Variants in PDS5B observed in about 807,000 individuals in gnomAD.
PDS5B encodes the protein PDS5 cohesin associated factor B.
Under a neutral mutation model 184.1 loss-of-function variants are expected in PDS5B, and 51 were observed. That is an observed-to-expected ratio of 0.28 (90% confidence interval 0.22 to 0.35). The LOEUF (loss-of-function observed/expected upper bound fraction) is 0.35. Ranked by LOEUF, PDS5B falls within the 10% of genes least tolerant of loss-of-function variation. The pLI, the probability that PDS5B is intolerant of heterozygous loss-of-function variation, is 1.00. For synonymous variants in PDS5B, 566 were observed against 569.2 expected, an observed-to-expected ratio of 0.99 and a Z score of 0.08; for missense variants, 1,180 against 1,723.3, an observed-to-expected ratio of 0.68 and a Z score of 5.58.
intron 3 of PDS5B, among the ~76,000 whole-genome samples, chr13:32,654,934 G>A (rs758287987): frequency 6.6e-6 from 1 of 152,086 alleles, no homozygotes; most frequent in Non-Finnish European, 1.5e-5. Context: ...ACTGTTGAAT[G>A]GCATTTAGGT....
At chr13:32,592,404 C>T (rs765405233) in intron 1 of PDS5B, among the ~76,000 whole-genome samples, 22 of 151,940 alleles carry the variant, frequency 1.4e-4, no homozygotes, top group Admixed American at 8.5e-4. Flanking sequence ...TACAGGTGCA[C>T]GCCACCACGT....
intron 19 of PDS5B, among the ~76,000 whole-genome samples, chr13:32,715,318 C>T (rs1222217713): frequency 6.6e-6 from 1 of 152,122 alleles, no homozygotes; most frequent in East Asian, 1.9e-4. Context: ...AGTAAATGTA[C>T]CACCCCTTTT....
chr13:32,637,674 A>G (rs555432070), intron 1 of PDS5B, among the ~76,000 whole-genome samples: 1 of 152,362 alleles, frequency 6.6e-6, no homozygotes, highest in African/African-American at 2.4e-5. Context: ...AAGAGAAATC[A>G]AAGGAGACAG....
intron 8 of PDS5B, among the ~76,000 whole-genome samples, chr13:32,674,986 A>G (rs1951028807): frequency 6.7e-6 from 1 of 150,132 alleles, no homozygotes; most frequent in Admixed American, 6.7e-5. Context: ...ATTCTAATGT[A>G]CAGCCAGGCT....
At chr13:32,624,163 T>G (rs1265700256) in intron 1 of PDS5B, among the ~76,000 whole-genome samples, 3 of 152,230 alleles carry the variant, frequency 2.0e-5, no homozygotes, top group Non-Finnish European at 4.4e-5. Context: ...TCCATGTTGA[T>G]GTTGCCTAGC....
chr13:32,777,835 A>C lies in PDS5B; in HGVS notation c.*2783A>C, dbSNP rs1954998741. On this transcript the variant is annotated 3_prime_UTR_variant, in exon 35 of 35. Coordinates refer to ENST00000315596, the MANE Select transcript of PDS5B (RefSeq NM_015032.4). The stretch of plus-strand genomic sequence containing the variant: ...TATCTTCTTATAACTTGTAAGTCTG[A>C]TTTTTAAGATTTCCTTTTGTCCACT... The C allele has an allele frequency of 6.6e-6, 1 of 152,368 alleles. No individual in the cohort carries two copies. The highest frequency in any genetic ancestry group is 2.1e-4 in the South Asian group (1 of 4,832). 9.4% of individuals were successfully genotyped at this position (152,368 alleles called of 1,614,324 possible). A position where few individuals can be genotyped will look rare whatever the true frequency, so the allele number is the denominator to read the frequency against.
At chr13:32,774,311 A>G (rs1303688269) in intron 34 of PDS5B, among the ~76,000 whole-genome samples, 3 of 152,202 alleles carry the variant, frequency 2.0e-5, no homozygotes, top group Non-Finnish European at 4.4e-5. Context: ...ACCAGGATTC[A>G]TATTTGTGAA....
At chr13:32,709,828 G>A (rs921138216) in intron 18 of PDS5B, 118 bp from the exon 19 acceptor site, 2 of 499,886 alleles carry the variant, frequency 4.0e-6, no homozygotes, top group Non-Finnish European at 6.3e-6. Flanking sequence ...TCAGATTTTG[G>A]TCAACATAAT....
chr13:32,673,413 T>A (rs902575296), intron 8 of PDS5B, 57 bp downstream of exon 8: 3 of 1,408,370 alleles, frequency 2.1e-6, no homozygotes, highest in Non-Finnish European at 2.9e-6. Flanking sequence ...AGAGCATTAT[T>A]TATAGCTTTT....
chr13:32,586,959 G>C (rs1238500899), intron 1 of PDS5B, among the ~76,000 whole-genome samples: 128 of 144,190 alleles, frequency 8.9e-4, no homozygotes, highest in African/African-American at 3.1e-3. Context: ...CGCGGGCGGG[G>C]GTCTCGGGGC....
chr13:32,623,122 G>A (rs1355821185), intron 1 of PDS5B, among the ~76,000 whole-genome samples: 1 of 152,180 alleles, frequency 6.6e-6, no homozygotes, highest in African/African-American at 2.4e-5. Flanking sequence ...GAGGGTTACA[G>A]GACCAGTTTA....
intron 24 of PDS5B, among the ~76,000 whole-genome samples, chr13:32,752,532 A>C (rs1163940635): frequency 1.3e-5 from 2 of 152,192 alleles, no homozygotes; most frequent in African/African-American, 4.8e-5. Context: ...ACAGACATTT[A>C]AACCAATCAT....
chr13:32,587,353 TC>T (rs1300025479), intron 1 of PDS5B, among the ~76,000 whole-genome samples: 2 of 152,154 alleles, frequency 1.3e-5, no homozygotes, highest in Admixed American at 1.3e-4. Flanking sequence ...GAGGGACTCC[TC>T]CCAGGCCACA....
rs1490941373 is a variant in PDS5B, at chr13:32,613,433, C to T, written c.-20+26840C>T. On this transcript the variant is annotated intron_variant, in intron 1 of 34. Transcript: ENST00000315596. ...TCTGTCATTTTGATTATAGTCATTG[C>T]AGTGGGTGTAAACTGGTATCACGTT... is the stretch of plus-strand genomic sequence containing the variant. Among the ~76,000 whole-genome samples the T allele has an allele frequency of 4.6e-5, 7 of 152,156 alleles. No individual in the cohort carries two copies. In the East Asian group the frequency reaches 1.3e-3, roughly 29 times the overall value.
At position 32,680,220 on chromosome 13, in the gene PDS5B, T is replaced by G. The variant is rs147934192; in HGVS notation, c.1057+1291T>G. On this transcript the variant is annotated intron_variant, in intron 10 of 34. Coordinates refer to ENST00000315596, the MANE Select transcript of PDS5B (RefSeq NM_015032.4). ...CAAAAGCTGTTTGGAAAGCCCTGAG[T>G]ATATGCTTTCCTCAAATGATTGGCA... 3.2e-4 allele frequency among the ~76,000 whole-genome samples: 49 copies of G among 152,214 alleles called. No homozygotes were observed. The East Asian group carries it at 6.2e-3, about 19-fold the overall frequency.
Position 32,615,096 on chromosome 13 carries a change from A to G in PDS5B, c.-20+28503A>G, listed in dbSNP as rs560881699. On this transcript the variant is annotated intron_variant, in intron 1 of 34. Transcript: ENST00000315596. ...CAGAACCACCTCCGTTGTGCCCCCTATCAATTATTATTACCCCAAGGGTAG... is the reference window on the plus strand; with the variant it reads ...CAGAACCACCTCCGTTGTGCCCCCTGTCAATTATTATTACCCCAAGGGTAG... Among the ~76,000 whole-genome samples the G allele has an allele frequency of 4.6e-5, 7 of 152,262 alleles. No individual in the cohort carries two copies. In the South Asian group the frequency reaches 6.2e-4, roughly 14 times the overall value.
chr13:32,665,362 C>T (rs1013327142), intron 6 of PDS5B, among the ~76,000 whole-genome samples: 2 of 151,730 alleles, frequency 1.3e-5, no homozygotes, highest in South Asian at 2.1e-4. Context: ...GAGGCCGAGG[C>T]GGGCAGATCA....
chr13:32,771,807 G>T (rs1451343095), intron 33 of PDS5B, among the ~76,000 whole-genome samples: 2 of 152,052 alleles, frequency 1.3e-5, no homozygotes, highest in East Asian at 3.9e-4. Context: ...CATGAATGAT[G>T]TAACAAGGAA....
chr13:32,760,798 A>T, intron 30 of PDS5B, 78 bp downstream of exon 30: 1 of 1,328,932 alleles, frequency 7.5e-7, no homozygotes, highest in South Asian at 1.4e-5. Context: ...TATAATCCAA[A>T]ATGTTTCATG....
Sources: allele counts gnomAD v4.1 joint callset (sites outside exome capture counted in the v4.1 genomes callset), GRCh38; gene constraint gnomAD v4.1.1; transcripts MANE v1.5; gene names NCBI Gene and HGNC (gene_info 2026-07-23, HGNC 2026-07-21).